Variants in RALGPS1 observed in about 807,000 individuals in gnomAD.
RALGPS1 encodes the protein Ral GEF with PH domain and SH3 binding motif 1.
RALGPS1 carries 19 observed loss-of-function variants against 78.8 expected under a neutral mutation model. The ratio of observed to expected loss-of-function variants is 0.24; its 90% confidence interval spans 0.17 to 0.35. The LOEUF (loss-of-function observed/expected upper bound fraction) is 0.35, where lower values mean the gene tolerates loss of function less well. Among genes scored for constraint, RALGPS1 ranks in the 10% least tolerant of loss-of-function variants. RALGPS1 has a pLI of 1.00. For synonymous variants in RALGPS1, 228 were observed against 256.3 expected (o/e 0.89, Z 1.06); for missense variants, 454 against 688.3 (o/e 0.66, Z 3.81).
intron 5 of RALGPS1, among the ~76,000 whole-genome samples, chr9:127,042,023 G>A (rs1175734015): frequency 6.6e-6 from 1 of 152,208 alleles, no homozygotes; most frequent in Admixed American, 6.5e-5. Flanking sequence ...TAAGAAAACT[G>A]TGAATGGACT....
chr9:127,123,214 C>T (rs2056327777), intron 8 of RALGPS1, among the ~76,000 whole-genome samples: 1 of 152,228 alleles, frequency 6.6e-6, no homozygotes, highest in African/African-American at 2.4e-5. Context: ...GCTGTCCACA[C>T]AGAAGCTGTG....
At chr9:127,217,484 G>A (rs2062647358) in intron 18 of RALGPS1, 6 of 970,316 alleles carry the variant, frequency 6.2e-6, no homozygotes, top group African/African-American at 1.8e-5. Flanking sequence ...TTTCTGTTCT[G>A]TGGAACTGCA....
rs572242105 is a variant in RALGPS1 at position 127,205,199 on chromosome 9, G to A, written c.1247+6133G>A. ...CCTGCATGAGACTCAGAGACACTGA[G>A]CCCTGGGCCATCTGTCCCAGCTTGG... On this transcript the variant is annotated intron_variant, in intron 14 of 18. Coordinates refer to ENST00000259351, the MANE Select transcript of RALGPS1 (RefSeq NM_014636.3). The surrounding 1 kb of genome is among the most constrained non-coding windows in gnomAD (Gnocchi z 4.0). Among the ~76,000 whole-genome samples, 2 of 152,312 alleles carry A rather than the reference G, an allele frequency of 1.3e-5. No homozygotes were observed. Among genetic ancestry groups the A allele is most frequent in the Admixed American group, 6.5e-5 (1 of 15,296 alleles).
intron 8 of RALGPS1, among the ~76,000 whole-genome samples, chr9:127,141,140 C>T (rs1460875331): frequency 6.6e-6 from 1 of 152,108 alleles, no homozygotes; most frequent in Non-Finnish European, 1.5e-5. Context: ...GCAGCTGGTG[C>T]AGCATCTGGG....
chr9:127,083,427 C>T (rs1252224363), intron 8 of RALGPS1, among the ~76,000 whole-genome samples: 2 of 152,166 alleles, frequency 1.3e-5, no homozygotes, highest in Non-Finnish European at 2.9e-5. Context: ...AGAGAATAGT[C>T]CACAGATGGA....
intron 4 of RALGPS1, among the ~76,000 whole-genome samples, chr9:126,993,852 G>A (rs1295017777): frequency 6.6e-6 from 1 of 152,186 alleles, no homozygotes; most frequent in African/African-American, 2.4e-5. Flanking sequence ...CGATCAGGCA[G>A]CAGCATTTGC....
chr9:127,094,530 A>G (rs1196577055), intron 8 of RALGPS1, among the ~76,000 whole-genome samples: 1 of 152,226 alleles, frequency 6.6e-6, no homozygotes, highest in African/African-American at 2.4e-5. Context: ...ATGAACTTCC[A>G]CAGTCACAGG....
At chr9:127,062,147 G>A (rs1346942557) in intron 7 of RALGPS1, among the ~76,000 whole-genome samples, 1 of 152,118 alleles carries the variant, frequency 6.6e-6, no homozygotes, top group Non-Finnish European at 1.5e-5. Flanking sequence ...ACCCAGGCTG[G>A]AGTGCAGTGG....
At chr9:126,931,969 G>A (rs2035831583) in intron 1 of RALGPS1, among the ~76,000 whole-genome samples, 1 of 137,604 alleles carries the variant, frequency 7.3e-6, no homozygotes, top group Non-Finnish European at 1.6e-5. Context: ...GATTAGCATA[G>A]TCCACAGACA....
chr9:127,197,754 G>A (rs907293653), intron 13 of RALGPS1, among the ~76,000 whole-genome samples: 1 of 152,192 alleles, frequency 6.6e-6, no homozygotes, highest in African/African-American at 2.4e-5. Flanking sequence ...TGGGAGAAGA[G>A]TTCCAGGTCA....
intron 3 of RALGPS1, among the ~76,000 whole-genome samples, chr9:126,968,002 CTT>C (rs745689127): frequency 1.7e-3 from 223 of 130,586 alleles, no homozygotes; most frequent in Non-Finnish European, 2.5e-3. Flanking sequence ...GAGTTCAATT[CTT>C]TTTTTTTTTT....
intron 8 of RALGPS1, among the ~76,000 whole-genome samples, chr9:127,094,899 C>T (rs1359707261): frequency 1.3e-5 from 2 of 152,172 alleles, no homozygotes; most frequent in Non-Finnish European, 2.9e-5. Context: ...CCACCCCTGC[C>T]CATCAACTCT....
intron 8 of RALGPS1, among the ~76,000 whole-genome samples, chr9:127,118,350 G>A (rs537548864): frequency 6.6e-6 from 1 of 152,330 alleles, no homozygotes; most frequent in Admixed American, 6.5e-5. Flanking sequence ...GGCTTCTGAC[G>A]TGACCAGTGT....
intron 14 of RALGPS1, among the ~76,000 whole-genome samples, chr9:127,206,592 G>T (rs2061943931): frequency 2.6e-5 from 4 of 152,148 alleles, no homozygotes; most frequent in Admixed American, 2.6e-4. Context: ...GACACGTGGA[G>T]ATTATGGGAA....
At chr9:127,171,817 T>G (rs2139795088) in intron 10 of RALGPS1, among the ~76,000 whole-genome samples, 1 of 152,208 alleles carries the variant, frequency 6.6e-6, no homozygotes, top group Non-Finnish European at 1.5e-5. Context: ...AGTCAATAAG[T>G]TTTATTTTAA....
chr9:127,034,619 C>A, intron 5 of RALGPS1, 105 bp downstream of exon 5: 1 of 973,028 alleles, frequency 1.0e-6, no homozygotes, highest in Non-Finnish European at 1.7e-6. Flanking sequence ...CCCAGCTGGC[C>A]CCAGATCCAG....
chr9:127,203,741 C>T (rs2061775636), intron 14 of RALGPS1, among the ~76,000 whole-genome samples: 1 of 152,260 alleles, frequency 6.6e-6, no homozygotes, highest in East Asian at 1.9e-4. Flanking sequence ...TCCAACAGGG[C>T]GACCTGCATG....
intron 8 of RALGPS1, among the ~76,000 whole-genome samples, chr9:127,147,755 T>C (rs2058177700): frequency 6.6e-6 from 1 of 152,240 alleles, no homozygotes; most frequent in African/African-American, 2.4e-5. Flanking sequence ...AAGAATGAAT[T>C]AATGCCTGAG....
At chr9:127,100,191 G>A (rs945993636) in intron 8 of RALGPS1, among the ~76,000 whole-genome samples, 1 of 152,106 alleles carries the variant, frequency 6.6e-6, no homozygotes, top group African/African-American at 2.4e-5. Context: ...AATTAATTGA[G>A]TTACTCTTAG....
Sources: gnomAD v4.1 joint callset for allele counts (sites outside exome capture counted in the v4.1 genomes callset) on GRCh38, gnomAD v4.1.1 for gene constraint, Gnocchi (gnomAD v3.1) non-coding constraint, MANE v1.5 for transcripts, NCBI Gene and HGNC (gene_info 2026-07-23, HGNC 2026-07-21) for gene names.